The following SPOCK3 variants were observed in gnomAD, a reference collection of about 807,000 sequenced individuals.
SPOCK3 encodes testican-3.
SPOCK3 carries 30 observed loss-of-function variants against 56.6 expected under a neutral mutation model. The ratio of observed to expected loss-of-function variants is 0.53; its 90% confidence interval spans 0.40 to 0.72. The LOEUF is 0.72. Among genes scored for constraint, SPOCK3 ranks in the 30% least tolerant of loss-of-function variants. The pLI is 0.00. For missense variants in SPOCK3, 527 were observed against 530.0 expected (o/e 0.99, Z 0.06); for synonymous variants, 196 against 183.3 (o/e 1.07, Z -0.56).
chr4:166,768,246 T>C (rs1579167416), intron 7 of SPOCK3, among the ~76,000 whole-genome samples: 1 of 152,196 alleles, frequency 6.6e-6, no homozygotes, highest in Non-Finnish European at 1.5e-5. Flanking sequence ...GTTAGCTGTT[T>C]ATTTTGCTCG....
chr4:166,944,994 T>C (rs1431251192), intron 4 of SPOCK3, among the ~76,000 whole-genome samples: 1 of 152,224 alleles, frequency 6.6e-6, no homozygotes, highest in African/African-American at 2.4e-5. Flanking sequence ...CTTGAATTCT[T>C]CCACATGTCT....
intron 2 of SPOCK3, among the ~76,000 whole-genome samples, chr4:167,109,368 A>C (rs1456790244): frequency 9.5e-4 from 25 of 26,206 alleles, no homozygotes; most frequent in Non-Finnish European, 1.4e-3. Flanking sequence ...ATATTTATAT[A>C]TATATTTATA....
chr4:167,162,116 C>G (rs1156234333), intron 2 of SPOCK3, among the ~76,000 whole-genome samples: 1 of 152,018 alleles, frequency 6.6e-6, no homozygotes, highest in Non-Finnish European at 1.5e-5. Context: ...TATTTATGAA[C>G]ATTAGGTCAT....
intron 3 of SPOCK3, among the ~76,000 whole-genome samples, chr4:167,006,210 C>G (rs945262403): frequency 6.6e-6 from 1 of 151,960 alleles, no homozygotes; most frequent in African/African-American, 2.4e-5. Context: ...CAATGTTTAT[C>G]CTAGGATGTA....
chr4:167,147,865 G>C (rs150433311), intron 2 of SPOCK3, among the ~76,000 whole-genome samples: 2 of 151,980 alleles, frequency 1.3e-5, no homozygotes, highest in Admixed American at 1.3e-4. Context: ...TGTAGGTGAC[G>C]GGTGGATGGG....
At chr4:166,989,847 G>A (rs1747578792) in intron 4 of SPOCK3, among the ~76,000 whole-genome samples, 1 of 152,080 alleles carries the variant, frequency 6.6e-6, no homozygotes, top group African/African-American at 2.4e-5. Flanking sequence ...ATAGGCCAAT[G>A]AGGCTATTTC....
intron 5 of SPOCK3, among the ~76,000 whole-genome samples, chr4:166,906,296 G>A (rs1332174546): frequency 1.3e-5 from 2 of 151,964 alleles, no homozygotes; most frequent in Non-Finnish European, 2.9e-5. Flanking sequence ...ATCCAATGAA[G>A]TAAGATGCTA....
chr4:167,168,188 G>T (rs573361885), intron 2 of SPOCK3, among the ~76,000 whole-genome samples: 2 of 152,236 alleles, frequency 1.3e-5, no homozygotes, highest in African/African-American at 4.8e-5. Flanking sequence ...GCAGGAGAAA[G>T]AACTTAATAC....
intron 4 of SPOCK3, among the ~76,000 whole-genome samples, chr4:166,962,216 C>T (rs75650853): frequency 0.025 from 3,728 of 152,148 alleles, 166 homozygotes; most frequent in African/African-American, 0.085. Flanking sequence ...TGCTCTTTGA[C>T]ATGTAAGATA....
chr4:167,051,382 G>A (rs890579389), intron 3 of SPOCK3, among the ~76,000 whole-genome samples: 5 of 152,116 alleles, frequency 3.3e-5, no homozygotes, highest in Non-Finnish European at 7.4e-5. Context: ...TCTTCTTGTT[G>A]TGTTAGATTA....
At chr4:167,171,188 CTTAT>C (rs1022486153) in intron 2 of SPOCK3, among the ~76,000 whole-genome samples, 4 of 152,046 alleles carry the variant, frequency 2.6e-5, no homozygotes, top group African/African-American at 4.8e-5. Flanking sequence ...GAAAGAAGGG[CTTAT>C]TTATTTGACA....
intron 2 of SPOCK3, among the ~76,000 whole-genome samples, chr4:167,086,834 A>C (rs1452732329): frequency 6.6e-6 from 1 of 152,150 alleles, no homozygotes; most frequent in Admixed American, 6.6e-5. Flanking sequence ...CGCACAAAAC[A>C]GTTGACTGAG....
At chr4:166,856,347 TAC>T (rs1730663970) in intron 6 of SPOCK3, among the ~76,000 whole-genome samples, 1 of 152,220 alleles carries the variant, frequency 6.6e-6, no homozygotes. Flanking sequence ...TGAATGGTCT[TAC>T]CACAAAGAAA....
chr4:166,765,545 T>C (rs1261126572), intron 7 of SPOCK3, among the ~76,000 whole-genome samples: 1 of 152,218 alleles, frequency 6.6e-6, no homozygotes, highest in African/African-American at 2.4e-5. Flanking sequence ...CATTGGTCTA[T>C]ATCTCTGTTT....
chr4:166,945,985 T>A (rs1741687638), intron 4 of SPOCK3, among the ~76,000 whole-genome samples: 1 of 152,070 alleles, frequency 6.6e-6, no homozygotes, highest in African/African-American at 2.4e-5. Flanking sequence ...TTAAACCCAT[T>A]TCAATGAGGT....
chr4:166,755,291 T>G (rs556325381), intron 7 of SPOCK3, among the ~76,000 whole-genome samples: 2 of 152,196 alleles, frequency 1.3e-5, no homozygotes, highest in South Asian at 4.1e-4. Flanking sequence ...CCACTTGGTC[T>G]CCTGCTTACC....
chr4:166,870,717 G>A (rs1367489042), intron 6 of SPOCK3, among the ~76,000 whole-genome samples: 1 of 152,074 alleles, frequency 6.6e-6, no homozygotes, highest in Non-Finnish European at 1.5e-5. Context: ...GAAATTTATT[G>A]CATTGAATAG....
chr4:166,956,498 A>G (rs1254653742), intron 4 of SPOCK3, among the ~76,000 whole-genome samples: 1 of 152,158 alleles, frequency 6.6e-6, no homozygotes, highest in Non-Finnish European at 1.5e-5. Flanking sequence ...AGAACTCTGG[A>G]CAAAGGGAGC....
At chr4:166,957,142 C>T (rs991659835) in intron 4 of SPOCK3, among the ~76,000 whole-genome samples, 7 of 152,242 alleles carry the variant, frequency 4.6e-5, no homozygotes, top group Non-Finnish European at 1.0e-4. Context: ...GTAGTCCCAG[C>T]TACTGGGAGG....
Sources: allele counts gnomAD v4.1 joint callset (sites outside exome capture counted in the v4.1 genomes callset), GRCh38; gene constraint gnomAD v4.1.1; transcripts MANE v1.5; gene names NCBI Gene and HGNC (gene_info 2026-07-23, HGNC 2026-07-21).